CDKN2C: variants seen among roughly 807,000 people sequenced by gnomAD.
CDKN2C encodes the protein cyclin-dependent kinase 4 inhibitor C.
In CDKN2C, 5 loss-of-function variants were observed where a neutral mutation model predicts 11.0. That is an observed-to-expected ratio of 0.45 (90% confidence interval 0.24 to 0.95). The LOEUF (loss-of-function observed/expected upper bound fraction) is 0.95. Among genes scored for constraint, CDKN2C ranks in the 40% least tolerant of loss-of-function variants. The pLI, the probability that CDKN2C is intolerant of heterozygous loss-of-function variation, is 0.21. For missense variants in CDKN2C, 161 were observed against 211.9 expected (o/e 0.76, Z 1.49); for synonymous variants, 79 against 88.3 (o/e 0.89, Z 0.59).
upstream of CDKN2C, among the ~76,000 whole-genome samples, chr1:50,967,403 AATTAC>A (rs1451473053): frequency 4.6e-5 from 7 of 152,184 alleles, no homozygotes; most frequent in African/African-American, 1.2e-4. Context: ...TTTTCTCAAC[AATTAC>A]ATTAAAGAAA....
chr1:50,965,082 A>ATAGC (rs1182906970), intron 1 of CDKN2C, among the ~76,000 whole-genome samples: 1 of 151,982 alleles, frequency 6.6e-6, no homozygotes, highest in Non-Finnish European at 1.5e-5. Flanking sequence ...AGATAGATAG[A>ATAGC]TAGATAGATA....
upstream of CDKN2C, among the ~76,000 whole-genome samples, chr1:50,966,045 G>T (rs1188414023): frequency 6.6e-6 from 1 of 151,072 alleles, no homozygotes; most frequent in African/African-American, 2.4e-5. Flanking sequence ...TGAGGGAAAA[G>T]CACAGAATAA....
At chr1:50,966,104 T>G (rs560851027), upstream of CDKN2C, among the ~76,000 whole-genome samples, 1,854 of 151,114 alleles carry the variant, frequency 0.012, 33 homozygotes, top group African/African-American at 0.041. Flanking sequence ...TTTTTTTTTT[T>G]GAGACTGCTG....
upstream of CDKN2C, chr1:50,969,548 T>G (rs1645368201): frequency 6.6e-6 from 1 of 152,116 alleles, no homozygotes; most frequent in African/African-American, 2.4e-5. This position sits in a 1 kb window ranked among gnomAD's most constrained non-coding sequence, Gnocchi z 6.6. Context: ...CCACGGCCTC[T>G]GAGGCTCGGC....
In CDKN2C at chr1:50,974,266, A is replaced by T. The variant is rs780639510; in HGVS notation, c.503A>T (p.Gln168Leu). The change falls in exon 2 of 2, where the codon CAA becomes CTA. Residue 168 changes from glutamine to leucine, a missense_variant. Transcript: ENST00000371761. ...GGGGCTGGGGGAGCCACAAATCTTC[A>T]ATAAACGTGGGGAGGGCTCCCCCAC... ...ANGAGGATNLQ is the reference protein window; with the variant it reads ...ANGAGGATNLL The T allele has an allele frequency of 1.3e-6, 2 of 1,551,530 alleles. No homozygotes were observed. The highest frequency in any genetic ancestry group is 1.7e-6 in the Non-Finnish European group (2 of 1,149,128).
chr1:50,974,210 GAATGAGGTTGTTAGCCTGATGCAGGC>G lies in CDKN2C; in HGVS notation c.450_475del (p.Asn150LysfsTer26). 1 of 1,605,294 alleles carries G rather than the reference GAATGAGGTTGTTAGCCTGATGCAGGC, an allele frequency of 6.2e-7. No homozygotes were observed. Among genetic ancestry groups the G allele is most frequent in the Non-Finnish European group, 8.5e-7 (1 of 1,173,896 alleles). ...GTGATTTGGCCAGGCTCTATGGGAG[GAATGAGGTTGTTAGCCTGATGCAGGC>G]AAACGGGGCTGGGGGAGCCACAAAT... On this transcript the variant is annotated frameshift_variant, in exon 2 of 2. Coordinates refer to ENST00000371761, the MANE Select transcript of CDKN2C (RefSeq NM_078626.3). LOFTEE classifies it high-confidence loss of function.
chr1:50,965,330 T>C (rs534396202), upstream of CDKN2C, among the ~76,000 whole-genome samples: 1 of 151,878 alleles, frequency 6.6e-6, no homozygotes, highest in Admixed American at 6.6e-5. Context: ...AAACCCCATC[T>C]CTACTAAAAA....
upstream of CDKN2C, chr1:50,968,253 G>C (rs1269038921): frequency 6.6e-6 from 1 of 152,476 alleles, no homozygotes; most frequent in Non-Finnish European, 1.5e-5. Context: ...TGGCGGGGGA[G>C]CACAGAGGCG....
At chr1:50,971,296 A>C (rs1645378797) in intron 1 of CDKN2C, among the ~76,000 whole-genome samples, 1 of 152,228 alleles carries the variant, frequency 6.6e-6, no homozygotes, top group African/African-American at 2.4e-5. Flanking sequence ...AGTTTAAAAT[A>C]GTTGCTTTAT....
At chr1:50,970,070 T>A (rs1645371315), upstream of CDKN2C, 2 of 486,226 alleles carry the variant, frequency 4.1e-6, no homozygotes, top group Non-Finnish European at 7.5e-6. Flanking sequence ...GGAATGTATG[T>A]GTGTCTGTGT....
upstream of CDKN2C, chr1:50,968,337 C>G (rs957591148): frequency 2.6e-5 from 4 of 152,494 alleles, no homozygotes; most frequent in African/African-American, 7.2e-5. Context: ...CCGCAGCGTA[C>G]GCTGCGGAGC....
intron 1 of CDKN2C, among the ~76,000 whole-genome samples, chr1:50,964,599 G>A (rs1645338049): frequency 6.6e-6 from 1 of 152,086 alleles, no homozygotes. Context: ...GGCGGACCCT[G>A]GACTAATGGA....
At chr1:50,970,853 T>A (rs1340249175) in intron 1 of CDKN2C, among the ~76,000 whole-genome samples, 1 of 152,236 alleles carries the variant, frequency 6.6e-6, no homozygotes, top group Non-Finnish European at 1.5e-5. Context: ...GATTATTATT[T>A]GAAGTAAATA....
intron 1 of CDKN2C, among the ~76,000 whole-genome samples, chr1:50,964,442 T>C (rs968281204): frequency 6.6e-6 from 1 of 152,242 alleles, no homozygotes; most frequent in African/African-American, 2.4e-5. Context: ...ACTTGAGTTA[T>C]TACTGGTAGT....
At chr1:50,967,328 T>C (rs1204735211), upstream of CDKN2C, among the ~76,000 whole-genome samples, 2 of 152,238 alleles carry the variant, frequency 1.3e-5, no homozygotes, top group Non-Finnish European at 2.9e-5. Context: ...AGTTAATTTC[T>C]TGTTTTGTAG....
Position 50,974,123 on chromosome 1 carries a change from G to C in CDKN2C, c.360G>C (p.Glu120Asp). Residue 120 changes from glutamate to aspartate, a missense_variant, in exon 2 of 2, where the codon GAG (glutamate) becomes GAC (aspartate). Physicochemically the swap from Glu to Asp is conservative, Grantham distance 45. Coordinates refer to ENST00000371761, the MANE Select transcript of CDKN2C (RefSeq NM_078626.3). ...AAKEGHLRVV[E>D]FLVKHTASNV... is the part of the protein sequence containing the mutation. ...AAGAAGGCCACCTCCGGGTGGTGGA[G>C]TTCCTGGTGAAGCACACGGCCAGCA... 6.2e-7 allele frequency: 1 copy of C among 1,614,198 alleles called. No homozygotes were observed. The highest frequency in any genetic ancestry group is 8.5e-7 in the Non-Finnish European group (1 of 1,180,030).
chr1:50,971,867 T>C (rs1645382825), intron 1 of CDKN2C, among the ~76,000 whole-genome samples: 1 of 152,166 alleles, frequency 6.6e-6, no homozygotes, highest in African/African-American at 2.4e-5. Context: ...ATCAAGATAC[T>C]AACACCCACT....
chr1:50,970,063 ATGTATGTG>A, upstream of CDKN2C: 1 of 472,624 alleles, frequency 2.1e-6, no homozygotes, highest in East Asian at 3.7e-5. Context: ...TTAACCAGGA[ATGTATGTG>A]TGTCTGTGTG....
rs529897659 is a variant in CDKN2C, at chr1:50,972,675, A to G, written c.130-1218A>G. 2.6e-5 allele frequency among the ~76,000 whole-genome samples: 4 copies of G among 152,284 alleles called. No homozygotes were observed. In the South Asian group the frequency reaches 8.3e-4, roughly 32 times the overall value. ...TAAATTATATGTATTTTATATTTGC[A>G]TGCTGTTCTACAAGATACTTTATAA... On this transcript the variant is annotated intron_variant, in intron 1 of 1. Coordinates refer to ENST00000371761, the MANE Select transcript of CDKN2C (RefSeq NM_078626.3).
Sources: gnomAD v4.1 joint callset for allele counts (sites outside exome capture counted in the v4.1 genomes callset) on GRCh38, gnomAD v4.1.1 for gene constraint, Gnocchi (gnomAD v3.1) non-coding constraint, MANE v1.5 for transcripts, NCBI Gene and HGNC (gene_info 2026-07-23, HGNC 2026-07-21) for gene names.